The following ARHGAP10 variants were observed in gnomAD, a reference collection of about 807,000 sequenced individuals.
ARHGAP10 encodes the protein Rho GTPase activating protein 10, also known as rho GTPase-activating protein 10.
In ARHGAP10, 87 loss-of-function variants were observed where a neutral mutation model predicts 108.6. The observed-to-expected ratio is 0.80, with a 90% CI of 0.67 to 0.96. The LOEUF is 0.96. Among genes scored for constraint, ARHGAP10 ranks in the 40% least tolerant of loss-of-function variants. The pLI is 0.00. For synonymous variants in ARHGAP10, 347 were observed against 341.1 expected (o/e 1.02, Z -0.19); for missense variants, 939 against 954.5 (o/e 0.98, Z 0.21).
intron 13 of ARHGAP10, among the ~76,000 whole-genome samples, chr4:147,920,198 C>T (rs1737177828): frequency 6.6e-6 from 1 of 151,662 alleles, no homozygotes; most frequent in Admixed American, 6.6e-5. Flanking sequence ...GGGTGGATCA[C>T]CTGAGGTCAG....
intron 13 of ARHGAP10, among the ~76,000 whole-genome samples, chr4:147,927,997 A>T (rs1242264406): frequency 6.6e-6 from 1 of 152,224 alleles, no homozygotes; most frequent in Non-Finnish European, 1.5e-5. Context: ...TAGAAAGAAT[A>T]GCAACAAGTC....
intron 1 of ARHGAP10, among the ~76,000 whole-genome samples, chr4:147,743,105 C>A (rs1273932297): frequency 6.6e-6 from 1 of 151,180 alleles, no homozygotes; most frequent in Non-Finnish European, 1.5e-5. Flanking sequence ...ATGATCTCGG[C>A]TCACTGCAAC....
intron 10 of ARHGAP10, among the ~76,000 whole-genome samples, chr4:147,887,392 A>C (rs1735614964): frequency 6.6e-6 from 1 of 151,748 alleles, no homozygotes; most frequent in Non-Finnish European, 1.5e-5. Context: ...TCTTGTTAAC[A>C]TTAGTTTTGG....
intron 16 of ARHGAP10, among the ~76,000 whole-genome samples, chr4:147,962,617 G>C (rs1560847605): frequency 6.6e-6 from 1 of 152,042 alleles, no homozygotes; most frequent in Non-Finnish European, 1.5e-5. Context: ...ATAAATCATA[G>C]GGCATCTATA....
intron 5 of ARHGAP10, among the ~76,000 whole-genome samples, chr4:147,859,914 C>T (rs1431834643): frequency 6.6e-6 from 1 of 152,220 alleles, no homozygotes; most frequent in East Asian, 1.9e-4. Flanking sequence ...TACAAACTTA[C>T]ATGCTCTCAC....
At chr4:147,814,427 T>G (rs6824823) in intron 1 of ARHGAP10, among the ~76,000 whole-genome samples, 1 of 152,046 alleles carries the variant, frequency 6.6e-6, no homozygotes, top group Non-Finnish European at 1.5e-5. Context: ...GTGAATGTTG[T>G]TACTCCAATG....
intron 1 of ARHGAP10, among the ~76,000 whole-genome samples, chr4:147,813,012 C>T (rs1350388409): frequency 2.0e-5 from 3 of 152,100 alleles, no homozygotes; most frequent in Non-Finnish European, 1.5e-5. Context: ...AACAATTTTC[C>T]AGTTAATAAT....
At position 147,911,613 on chromosome 4, in the gene ARHGAP10, T is replaced by C. The variant is rs371331178; in HGVS notation, c.1163-1461T>C. Among the ~76,000 whole-genome samples the C allele has an allele frequency of 3.0e-3, 432 of 145,762 alleles. 1 individual carries two copies. Among genetic ancestry groups the C allele is most frequent in the African/African-American group, 7.3e-3 (286 of 39,166 alleles). On this transcript the variant is annotated intron_variant, in intron 12 of 22. Coordinates refer to ENST00000336498, the MANE Select transcript of ARHGAP10 (RefSeq NM_024605.4). ...TCCTGACTTCGTGATCCGCCCACCT[T>C]GGCCTCCCAAAGTGCTGGGATTACA... is the stretch of plus-strand genomic sequence containing the variant.
chr4:147,825,446 C>CA (rs35438984), intron 3 of ARHGAP10, among the ~76,000 whole-genome samples: 14,492 of 139,056 alleles, frequency 0.1, 733 homozygotes, highest in East Asian at 0.17. Context: ...GACTCCATCT[C>CA]AAAAAAAAAA....
chr4:147,737,792 A>G (rs1401344932), intron 1 of ARHGAP10, among the ~76,000 whole-genome samples: 1 of 152,186 alleles, frequency 6.6e-6, no homozygotes, highest in Non-Finnish European at 1.5e-5. Flanking sequence ...AGGCTTGAAA[A>G]GCTTGAAATG....
At chr4:148,066,573 C>T (rs1293751831) in intron 22 of ARHGAP10, among the ~76,000 whole-genome samples, 1 of 152,222 alleles carries the variant, frequency 6.6e-6, no homozygotes, top group South Asian at 2.1e-4. Context: ...CATACATAGT[C>T]ACACATTTGT....
At chr4:147,753,230 A>G (rs1040435500) in intron 1 of ARHGAP10, among the ~76,000 whole-genome samples, 2 of 152,168 alleles carry the variant, frequency 1.3e-5, no homozygotes, top group Non-Finnish European at 2.9e-5. Flanking sequence ...ACCTTCTTAC[A>G]CCATAGATAA....
intron 1 of ARHGAP10, among the ~76,000 whole-genome samples, chr4:147,746,214 C>G (rs1301237753): frequency 6.6e-6 from 1 of 152,054 alleles, no homozygotes; most frequent in South Asian, 2.1e-4. Flanking sequence ...AGCGATTCTT[C>G]TGCCTCAGCC....
At chr4:147,828,323 A>C (rs1023074487) in intron 3 of ARHGAP10, among the ~76,000 whole-genome samples, 1 of 152,232 alleles carries the variant, frequency 6.6e-6, no homozygotes, top group African/African-American at 2.4e-5. Flanking sequence ...TAAGGGATAA[A>C]GTCATCTGTG....
intron 20 of ARHGAP10, among the ~76,000 whole-genome samples, chr4:148,061,294 A>G (rs902396934): frequency 1.3e-5 from 2 of 152,006 alleles, no homozygotes; most frequent in African/African-American, 4.8e-5. Flanking sequence ...GTGTGGCAAA[A>G]CATCTCATCT....
chr4:147,840,297 A>G (rs775023547), intron 3 of ARHGAP10, among the ~76,000 whole-genome samples: 2 of 152,172 alleles, frequency 1.3e-5, no homozygotes, highest in African/African-American at 2.4e-5. Context: ...CCCTTTAAGC[A>G]AATCAGAATG....
At chr4:147,753,052 A>T (rs991772515) in intron 1 of ARHGAP10, among the ~76,000 whole-genome samples, 4 of 152,200 alleles carry the variant, frequency 2.6e-5, no homozygotes, top group Admixed American at 1.3e-4. Context: ...ATTTTGTCCA[A>T]AGTCATATGG....
chr4:147,852,550 T>C (rs547806803), intron 4 of ARHGAP10, among the ~76,000 whole-genome samples: 2 of 152,222 alleles, frequency 1.3e-5, no homozygotes, highest in South Asian at 2.1e-4. Flanking sequence ...GCCTTCTCCC[T>C]GCTGGAGTGG....
intron 10 of ARHGAP10, 49 bp downstream of exon 10, chr4:147,881,981 A>G (rs1319085393): frequency 6.4e-6 from 10 of 1,563,724 alleles, no homozygotes; most frequent in South Asian, 5.8e-5. Context: ...TTTTAAAAAA[A>G]TGATTTAAAA....
Sources: allele counts gnomAD v4.1 joint callset (sites outside exome capture counted in the v4.1 genomes callset), GRCh38; gene constraint gnomAD v4.1.1; transcripts MANE v1.5; gene names NCBI Gene and HGNC (gene_info 2026-07-23, HGNC 2026-07-21).